The following WWC1 variants were observed in gnomAD, a reference collection of about 807,000 sequenced individuals.
WWC1 encodes the protein WW and C2 domain containing 1.
In WWC1, 55 loss-of-function variants were observed where a neutral mutation model predicts 138.4. That is an observed-to-expected ratio of 0.40 (90% CI 0.32 to 0.50). The LOEUF is 0.50. WWC1 is among the 20% of genes least tolerant of loss of function. The probability of loss-of-function intolerance (pLI) is 0.72; values close to 1 mark genes in which losing one functional copy is unlikely to be tolerated. For synonymous variants in WWC1, 524 were observed against 564.9 expected, an observed-to-expected ratio of 0.93 and a Z score of 1.03; for missense variants, 1,226 against 1,420.4, an observed-to-expected ratio of 0.86 and a Z score of 2.20.
At chr5:168,348,567 A>G (rs1020492328) in intron 1 of WWC1, among the ~76,000 whole-genome samples, 16 of 152,198 alleles carry the variant, frequency 1.1e-4, no homozygotes, top group African/African-American at 3.6e-4. Context: ...CAGGTGGGCC[A>G]GAGGAGAGCC....
intron 1 of WWC1, among the ~76,000 whole-genome samples, chr5:168,338,500 C>T (rs1773702915): frequency 6.6e-6 from 1 of 151,106 alleles, no homozygotes; most frequent in Admixed American, 6.6e-5. Context: ...CAACCTCCGC[C>T]TCCCGGGTTC....
At chr5:168,339,293 G>A (rs2152775138) in intron 1 of WWC1, among the ~76,000 whole-genome samples, 1 of 152,272 alleles carries the variant, frequency 6.6e-6, no homozygotes, top group African/African-American at 2.4e-5. Context: ...GATGAGGGTG[G>A]GGTTCTGGGA....
intron 1 of WWC1, among the ~76,000 whole-genome samples, chr5:168,326,534 T>TTTGTTG (rs555709454): frequency 6.7e-6 from 1 of 148,512 alleles, no homozygotes; most frequent in African/African-American, 2.5e-5. Flanking sequence ...GATAGTGTTA[T>TTTGTTG]TTGTTGTTGT....
intron 1 of WWC1, among the ~76,000 whole-genome samples, chr5:168,321,953 T>C (rs1772152319): frequency 6.6e-6 from 1 of 152,246 alleles, no homozygotes; most frequent in South Asian, 2.1e-4. Flanking sequence ...CCTCTTCTGT[T>C]CTAGGAAGCC....
Position 168,464,842 on chromosome 5 carries a change from G to A in WWC1, c.3030G>A (p.Ser1010=), listed in dbSNP as rs374783660. 5.4e-5 allele frequency: 87 copies of A among 1,614,212 alleles called. No homozygotes were observed. The highest frequency in any genetic ancestry group is 1.5e-4 in the South Asian group (14 of 91,074). The change falls in exon 21 of 23, where the codon TCG becomes TCA. Residue 1010 remains serine, a synonymous_variant. Transcript: ENST00000265293. ...ACAGCCAATTGACCCAGGAGATCTC[G>A]GTGCTGAAGGAGCTCAAGGAGCAGC... ...TWHSQLTQEI[S]VLKELKEQLE... is the part of the protein sequence containing the mutation.
intron 1 of WWC1, among the ~76,000 whole-genome samples, chr5:168,294,886 A>T (rs1769390483): frequency 6.6e-6 from 1 of 152,132 alleles, no homozygotes; most frequent in Non-Finnish European, 1.5e-5. Flanking sequence ...TCAGCCTCCC[A>T]AAGTGCTAGG....
intron 1 of WWC1, among the ~76,000 whole-genome samples, chr5:168,328,137 C>A (rs537711026): frequency 6.6e-6 from 1 of 152,314 alleles, no homozygotes; most frequent in East Asian, 1.9e-4. Flanking sequence ...ACACATCTGC[C>A]TCTTGGATGG....
At chr5:168,311,888 AAAT>A (rs1305153809) in intron 1 of WWC1, among the ~76,000 whole-genome samples, 1 of 151,766 alleles carries the variant, frequency 6.6e-6, no homozygotes, top group African/African-American at 2.4e-5. Context: ...AAAAAAAAAA[AAAT>A]TACAAAAATT....
intron 6 of WWC1, among the ~76,000 whole-genome samples, chr5:168,408,192 G>C (rs1779950040): frequency 6.6e-6 from 1 of 151,996 alleles, no homozygotes; most frequent in African/African-American, 2.4e-5. Flanking sequence ...AGAGGAAATT[G>C]AGGCAAAGAG....
intron 1 of WWC1, among the ~76,000 whole-genome samples, chr5:168,370,341 G>T (rs1178139910): frequency 6.6e-6 from 1 of 152,212 alleles, no homozygotes. Context: ...CAGGGGAGCT[G>T]TTGGGAGGGG....
chr5:168,298,380 G>A (rs1429156550), intron 1 of WWC1, among the ~76,000 whole-genome samples: 1 of 152,032 alleles, frequency 6.6e-6, no homozygotes, highest in Non-Finnish European at 1.5e-5. Flanking sequence ...AGTCTGCCAG[G>A]GAAGTTACCC....
At chr5:168,299,878 C>T (rs913439300) in intron 1 of WWC1, among the ~76,000 whole-genome samples, 3 of 152,200 alleles carry the variant, frequency 2.0e-5, no homozygotes, top group African/African-American at 4.8e-5. Flanking sequence ...CTGTCCATGA[C>T]GTGTATCAGG....
At chr5:168,311,014 T>C (rs1031385144) in intron 1 of WWC1, among the ~76,000 whole-genome samples, 4 of 152,176 alleles carry the variant, frequency 2.6e-5, no homozygotes. Context: ...CCCTTGCAGG[T>C]GCCAATAATT....
At chr5:168,395,608 T>C (rs1396009253) in intron 3 of WWC1, among the ~76,000 whole-genome samples, 7 of 152,160 alleles carry the variant, frequency 4.6e-5, no homozygotes, top group Non-Finnish European at 8.8e-5. Flanking sequence ...TCCCCAAGTC[T>C]AGCAAAGACC....
At chr5:168,326,842 C>T (rs571300552) in intron 1 of WWC1, among the ~76,000 whole-genome samples, 4 of 152,182 alleles carry the variant, frequency 2.6e-5, no homozygotes, top group East Asian at 1.9e-4. Context: ...CCGGCCGGAC[C>T]GGATAGTCTT....
intron 5 of WWC1, among the ~76,000 whole-genome samples, chr5:168,401,953 C>T (rs902166337): frequency 1.3e-5 from 2 of 152,204 alleles, no homozygotes; most frequent in Non-Finnish European, 2.9e-5. Context: ...AGTTTAAGGG[C>T]TACTCACTCC....
intron 1 of WWC1, among the ~76,000 whole-genome samples, chr5:168,323,534 G>A (rs1451874202): frequency 4.6e-5 from 7 of 152,024 alleles, no homozygotes; most frequent in Non-Finnish European, 1.0e-4. Context: ...GCAACAGAAC[G>A]AGTGAGACCC....
rs1048329526 is a variant in WWC1, at chr5:168,364,620, A to C, written c.120-6804A>C. On this transcript the variant is annotated intron_variant, in intron 1 of 22. Coordinates refer to ENST00000265293, the MANE Select transcript of WWC1 (RefSeq NM_015238.3). ...GTGCCTAGCATGGGCCTGGAGTGCC[A>C]TACTCACTTGATAAATGCTTGTTGC... Among the ~76,000 whole-genome samples the C allele has an allele frequency of 1.2e-4, 18 of 152,216 alleles. 1 individual carries two copies. The highest frequency in any genetic ancestry group is 1.2e-3 in the Admixed American group (18 of 15,278).
intron 5 of WWC1, 44 bp from the exon 6 acceptor site, chr5:168,406,154 C>A: frequency 1.2e-6 from 2 of 1,608,050 alleles, no homozygotes; most frequent in South Asian, 2.2e-5. Context: ...GACCCTGTCC[C>A]TCACCCTATC....
Sources: allele counts gnomAD v4.1 joint callset (sites outside exome capture counted in the v4.1 genomes callset), GRCh38; gene constraint gnomAD v4.1.1; transcripts MANE v1.5; gene names NCBI Gene and HGNC (gene_info 2026-07-23, HGNC 2026-07-21).